Variants in TNR observed in about 807,000 individuals in gnomAD.
TNR encodes the protein tenascin-R.
In TNR, 45 loss-of-function variants were observed where a neutral mutation model predicts 150.4. The ratio of observed to expected loss-of-function variants is 0.30; its 90% confidence interval spans 0.24 to 0.38. The LOEUF is 0.38. TNR is among the 10% of genes least tolerant of loss of function. The pLI, the probability that TNR is intolerant of heterozygous loss-of-function variation, is 1.00. For missense variants in TNR, 1,544 were observed against 1,759.1 expected, an observed-to-expected ratio of 0.88 and a Z score of 2.19; for synonymous variants, 687 against 678.4, an observed-to-expected ratio of 1.01 and a Z score of -0.20.
intron 2 of TNR, among the ~76,000 whole-genome samples, chr1:175,527,329 C>T (rs6664381): frequency 0.47 from 71,431 of 151,948 alleles, 17,416 homozygotes; most frequent in East Asian, 0.67. Flanking sequence ...CAAGTGCCCC[C>T]AAGGAAGGCA....
Position 175,406,376 on chromosome 1 carries a change from G to A in TNR, c.339C>T (p.Thr113=). The A allele has an allele frequency of 6.2e-7, 1 of 1,614,160 alleles. No individual in the cohort carries two copies. Among genetic ancestry groups the A allele is most frequent in the Non-Finnish European group, 8.5e-7 (1 of 1,180,026 alleles). Residue 113 remains threonine (T), a synonymous_variant, in exon 3 of 23, where the codon ACC becomes ACT. Coordinates refer to ENST00000367674, the MANE Select transcript of TNR (RefSeq NM_003285.3). ...GQTSDHESQV[T]FTHRINFPKK... is the part of the protein sequence containing the mutation. ...TGGGGAAGTTGATCCTGTGTGTAAA[G>A]GTGACCTGGCTCTCGTGGTCTGAGG...
intron 9 of TNR, among the ~76,000 whole-genome samples, chr1:175,372,098 C>A (rs952918861): frequency 3.3e-5 from 5 of 151,884 alleles, no homozygotes; most frequent in African/African-American, 7.2e-5. Flanking sequence ...CACCTCCCCC[C>A]AACCCTTGCT....
chr1:175,588,087 A>G (rs1233014992), intron 1 of TNR, among the ~76,000 whole-genome samples: 1 of 152,218 alleles, frequency 6.6e-6, no homozygotes, highest in Non-Finnish European at 1.5e-5. Context: ...GAAGAGGTGA[A>G]GTTCAAGTTG....
intron 1 of TNR, among the ~76,000 whole-genome samples, chr1:175,603,591 T>G (rs533753478): frequency 3.9e-4 from 59 of 152,284 alleles, no homozygotes; most frequent in African/African-American, 1.4e-3. Flanking sequence ...TGAGGAAGAG[T>G]GATGCTAGTG....
chr1:175,553,903 A>T (rs1661048450), intron 1 of TNR, among the ~76,000 whole-genome samples: 2 of 152,088 alleles, frequency 1.3e-5, no homozygotes, highest in Non-Finnish European at 2.9e-5. Context: ...CAATGGAAAT[A>T]CTGTCATTCT....
intron 1 of TNR, among the ~76,000 whole-genome samples, chr1:175,535,643 G>A (rs1194550437): frequency 7.0e-6 from 1 of 143,846 alleles, no homozygotes; most frequent in Non-Finnish European, 1.5e-5. Context: ...TTTTTTTTTT[G>A]GTATTTTTAG....
rs1651817475 is a variant in TNR, at chr1:175,365,899, C to T, written c.2293G>A (p.Glu765Lys). 1.9e-6 allele frequency: 3 copies of T among 1,613,958 alleles called. No individual in the cohort carries two copies. Among genetic ancestry groups the T allele is most frequent in the Non-Finnish European group, 2.5e-6 (3 of 1,179,962 alleles). Residue 765 changes from glutamate to lysine, a missense_variant, in exon 11 of 23, where the codon GAG becomes AAG. By Grantham distance (56) the Glu-to-Lys change is moderately conservative (BLOSUM62 1). Transcript: ENST00000367674. ...TAERGRQQSL[E>K]STVDAFTGFR... ...CCTGTGAAAGCATCCACAGTGGACTCCAAGCTCTGCTGCCGACCCCTCTCA... is the reference window on the plus strand; with the variant it reads ...CCTGTGAAAGCATCCACAGTGGACTTCAAGCTCTGCTGCCGACCCCTCTCA...
intron 1 of TNR, among the ~76,000 whole-genome samples, chr1:175,529,996 T>C (rs976604864): frequency 2.0e-5 from 3 of 152,242 alleles, no homozygotes; most frequent in Admixed American, 6.5e-5. Flanking sequence ...AACTAACATG[T>C]TTATTACATT....
Position 175,403,285 on chromosome 1 carries a change from G to A in TNR, c.831C>T (p.Ala277=), listed in dbSNP as rs756151881. 1 of 1,614,110 alleles carries A rather than the reference G, an allele frequency of 6.2e-7. No individual in the cohort carries two copies. Among genetic ancestry groups the A allele is most frequent in the Non-Finnish European group, 8.5e-7 (1 of 1,180,020 alleles). The change falls in exon 4 of 23, where the codon GCC becomes GCT. Residue 277 remains alanine, a synonymous_variant. Coordinates refer to ENST00000367674, the MANE Select transcript of TNR (RefSeq NM_003285.3). ...PGDCSGKGRC[A]NGTCLCEEGY... ...CCTCCTCGCATAAACAGGTACCGTT[G>A]GCACATCTCCCCTTCCCCGAACAGT...
chr1:175,495,283 A>T (rs1264589437), intron 2 of TNR, among the ~76,000 whole-genome samples: 2 of 152,230 alleles, frequency 1.3e-5, no homozygotes. Flanking sequence ...AACACCTCAC[A>T]GATGTTGTTT....
chr1:175,715,608 C>T (rs1329948838), intron 1 of TNR, among the ~76,000 whole-genome samples: 2 of 152,188 alleles, frequency 1.3e-5, no homozygotes, highest in Non-Finnish European at 1.5e-5. Flanking sequence ...CCACAGGGCT[C>T]CTCTCAGGAG....
intron 1 of TNR, among the ~76,000 whole-genome samples, chr1:175,730,919 G>A (rs1226121172): frequency 6.6e-6 from 1 of 152,158 alleles, no homozygotes; most frequent in Non-Finnish European, 1.5e-5. Context: ...CCTTTGCAGT[G>A]GACATGCTGG....
chr1:175,399,156 G>A (rs557023178), intron 4 of TNR, among the ~76,000 whole-genome samples: 3 of 152,124 alleles, frequency 2.0e-5, no homozygotes, highest in Non-Finnish European at 2.9e-5. Flanking sequence ...CATCCTACAG[G>A]TAAGAAAATT....
chr1:175,683,548 C>T (rs546714559), intron 1 of TNR, among the ~76,000 whole-genome samples: 1 of 152,304 alleles, frequency 6.6e-6, no homozygotes, highest in South Asian at 2.1e-4. Flanking sequence ...CTGCCCATGC[C>T]CCTTCAGCAC....
intron 2 of TNR, among the ~76,000 whole-genome samples, chr1:175,450,115 C>T (rs1181003622): frequency 6.6e-6 from 1 of 152,204 alleles, no homozygotes; most frequent in African/African-American, 2.4e-5. Flanking sequence ...TCAGCTCCTT[C>T]ACTGTCTTAT....
chr1:175,668,797 A>G (rs1211107710), intron 1 of TNR, among the ~76,000 whole-genome samples: 1 of 152,212 alleles, frequency 6.6e-6, no homozygotes. Context: ...GGCTAAAAGA[A>G]GCCAGGGACT....
chr1:175,658,458 G>A (rs1365064114), intron 1 of TNR, among the ~76,000 whole-genome samples: 1 of 152,162 alleles, frequency 6.6e-6, no homozygotes, highest in African/African-American at 2.4e-5. Context: ...CTAAGGCCAA[G>A]AATGACCTGT....
chr1:175,677,915 G>C (rs1051127085), intron 1 of TNR, among the ~76,000 whole-genome samples: 1 of 152,112 alleles, frequency 6.6e-6, no homozygotes, highest in African/African-American at 2.4e-5. Context: ...ATGACAGAGA[G>C]AGGAAAGAGA....
intron 1 of TNR, among the ~76,000 whole-genome samples, chr1:175,639,948 GA>G (rs1187896810): frequency 1.3e-5 from 2 of 152,154 alleles, no homozygotes; most frequent in Non-Finnish European, 2.9e-5. Context: ...TGCAGAACCT[GA>G]CAATCTCCAT....
Sources: gnomAD v4.1 joint callset for allele counts (sites outside exome capture counted in the v4.1 genomes callset) on GRCh38, gnomAD v4.1.1 for gene constraint, MANE v1.5 for transcripts, NCBI Gene and HGNC (gene_info 2026-07-23, HGNC 2026-07-21) for gene names.